Variants in TCHHL1 observed in about 807,000 individuals in gnomAD.
TCHHL1 encodes the protein trichohyalin like 1.
TCHHL1 carries 1 observed loss-of-function variant against 3.5 expected under a neutral mutation model. That is an observed-to-expected ratio of 0.29 (90% CI 0.10 to 1.36). The LOEUF (loss-of-function observed/expected upper bound fraction) is 1.36, where lower values mean the gene tolerates loss of function less well. TCHHL1 is among the 40% of genes most tolerant of loss of function. TCHHL1 has a pLI of 0.43. For synonymous variants in TCHHL1, 405 were observed against 375.3 expected (o/e 1.08, Z -0.92); for missense variants, 1,027 against 1,032.8 (o/e 0.99, Z 0.08).
At position 152,087,610 on chromosome 1, in the gene TCHHL1, G is replaced by T. The variant is rs1657758521; in HGVS notation, c.139-67C>A. On this transcript the variant is annotated intron_variant, in intron 2 of 2. Transcript: ENST00000368806. ...GTCCAGTGTCCTAAGTGTCTCCCAA[G>T]AATCCTATTTTTCTGACCTCATTCC... The T allele has an allele frequency of 3.4e-6, 5 of 1,461,580 alleles. No homozygotes were observed. The Admixed American group carries it at 6.8e-5, about 20-fold the overall frequency. 90.5% of individuals were successfully genotyped at this position (1,461,580 alleles called of 1,614,324 possible).
chr1:152,087,609 A>G, intron 2 of TCHHL1, 66 bp from the exon 3 acceptor site: 4 of 1,465,656 alleles, frequency 2.7e-6, no homozygotes, highest in Non-Finnish European at 3.6e-6. Flanking sequence ...GTGTCTCCCA[A>G]GAATCCTATT....
rs543650379 is a variant in TCHHL1, at chr1:152,084,197, T to G, written c.*770A>C. 1 of 169,110 alleles carries G rather than the reference T, an allele frequency of 5.9e-6. No homozygotes were observed. The highest frequency in any genetic ancestry group is 1.9e-4 in the East Asian group (1 of 5,198). 10.5% of individuals were successfully genotyped at this position (169,110 alleles called of 1,614,324 possible). On this transcript the variant is annotated 3_prime_UTR_variant, in exon 3 of 3. Coordinates refer to ENST00000368806, the MANE Select transcript of TCHHL1 (RefSeq NM_001008536.2). ...AATTTAATACCCTCATCAAACCATA[T>G]AGGTAAACACTTAGTAGACTCACTG...
Position 152,085,257 on chromosome 1 carries a change from T to TACAGTAC in TCHHL1, c.2424_2425insGTACTGT (p.Ile809ValfsTer36), listed in dbSNP as rs1287928812. ...TGGGTTACATTTGTTTGCTGCAGTA[T>TACAGTAC]CTTCTCCTGTAGGTACTGGTATAGT... On this transcript the variant is annotated frameshift_variant, in exon 3 of 3. Coordinates refer to ENST00000368806, the MANE Select transcript of TCHHL1 (RefSeq NM_001008536.2). LOFTEE classifies it low-confidence loss of function (END_TRUNC). 2 of 1,614,216 alleles carry TACAGTAC rather than the reference T, an allele frequency of 1.2e-6. No individual in the cohort carries two copies. The highest frequency in any genetic ancestry group is 3.3e-5 in the Admixed American group (2 of 60,032).
chr1:152,086,874 G>A lies in TCHHL1; in HGVS notation c.808C>T (p.Gln270Ter). The A allele has an allele frequency of 6.2e-7, 1 of 1,614,138 alleles. No homozygotes were observed. The highest frequency in any genetic ancestry group is 8.5e-7 in the Non-Finnish European group (1 of 1,180,026). Reference protein sequence around the residue: ...TQSSPPKEATQRPCEDQEVRT... With the variant: ...TQSSPPKEAT ...ACTTCCTGATCTTCACATGGTCTTT[G>A]TGTTGCTTCTTTTGGTGGTGAACTT... Residue 270 changes from glutamine to a stop codon, truncating the protein, a stop_gained, in exon 3 of 3, where the codon CAA becomes TAA. Transcript: ENST00000368806. LOFTEE classifies it low-confidence loss of function (END_TRUNC).
rs746083821 is a variant in TCHHL1 at position 152,087,369 on chromosome 1, C to G, written c.313G>C (p.Glu105Gln). 1 of 1,613,688 alleles carries G rather than the reference C, an allele frequency of 6.2e-7. No homozygotes were observed. The highest frequency in any genetic ancestry group is 8.5e-7 in the Non-Finnish European group (1 of 1,180,010). Residue 105 changes from glutamate (E) to glutamine (Q), a missense_variant, in exon 3 of 3, where the codon GAG becomes CAG. Transcript: ENST00000368806. Reference protein sequence around the residue: ...ELRQVTKPEKEKLDDVDVQAT... With the variant: ...ELRQVTKPEKQKLDDVDVQAT... ...TGAACATCCACATCATCTAGCTTCT[C>G]CTTCTCTGGTTTAGTCACCTGTCTT...
chr1:152,088,881 G>T (rs1416212915), intron 1 of TCHHL1, 139 bp downstream of exon 1: 2 of 152,096 alleles, frequency 1.3e-5, no homozygotes, highest in African/African-American at 2.4e-5. Flanking sequence ...GCATTTGGGT[G>T]GTTGGCGCTC....
Position 152,085,528 on chromosome 1 carries a change from A to G in TCHHL1, c.2154T>C (p.Asn718=), listed in dbSNP as rs535080061. 1 of 1,614,090 alleles carries G rather than the reference A, an allele frequency of 6.2e-7. No individual in the cohort carries two copies. The highest frequency in any genetic ancestry group is 2.2e-5 in the East Asian group (1 of 44,878). ...EEKGRATEAQ[N]TLLESLDEDN... ...CCTCATCTAGACTTTCTAACAGAGT[A>G]TTCTGGGCCTCTGTTGCTCTTCCTT... The change falls in exon 3 of 3, where the codon AAT becomes AAC. Residue 718 remains asparagine (N), a synonymous_variant. Coordinates refer to ENST00000368806, the MANE Select transcript of TCHHL1 (RefSeq NM_001008536.2).
At position 152,085,740 on chromosome 1, in the gene TCHHL1, C is replaced by T. The variant is rs1657708922; in HGVS notation, c.1942G>A (p.Glu648Lys). Residue 648 changes from glutamate to lysine, a missense_variant, in exon 3 of 3, where the codon GAG becomes AAG. Physicochemically the swap from Glu to Lys is moderately conservative, Grantham distance 56. Transcript: ENST00000368806. Reference sequence around the variant, plus strand: ...TGTGCTTCTGGGTGTCCATTGGGCTCCACAGCTGCACCTGGGCCTTTGGTC... The same window carrying T: ...TGTGCTTCTGGGTGTCCATTGGGCTTCACAGCTGCACCTGGGCCTTTGGTC... The part of the protein sequence containing the change: ...PGTKGPGAAV[E>K]PNGHPEAQES... The T allele has an allele frequency of 6.2e-7, 1 of 1,614,156 alleles. No homozygotes were observed. Among genetic ancestry groups the T allele is most frequent in the East Asian group, 2.2e-5 (1 of 44,876 alleles).
At position 152,086,372 on chromosome 1, in the gene TCHHL1, TC is replaced by T. The variant is rs767640931; in HGVS notation, c.1309del (p.Asp437MetfsTer11). On this transcript the variant is annotated frameshift_variant, in exon 3 of 3. Coordinates refer to ENST00000368806, the MANE Select transcript of TCHHL1 (RefSeq NM_001008536.2). LOFTEE classifies it low-confidence loss of function (END_TRUNC). ...TTGTGTCTCAGAACCTTTTTCAGCATCTTTTGATTTTGATAATCCTTGGAGT... is the reference window on the plus strand; with the variant it reads ...TTGTGTCTCAGAACCTTTTTCAGCATTTTTGATTTTGATAATCCTTGGAGT... Reference protein sequence around the residue: ...QELQGLSKSKDAEKGSETQYL... With the variant: ...QELQGLSKSKXAEKGSETQYL... The T allele has an allele frequency of 6.2e-7, 1 of 1,614,216 alleles. No homozygotes were observed. The highest frequency in any genetic ancestry group is 2.2e-5 in the East Asian group (1 of 44,884).
Position 152,085,815 on chromosome 1 carries a change from CTG to C in TCHHL1, c.1865_1866del (p.Thr622ArgfsTer41). On this transcript the variant is annotated frameshift_variant, in exon 3 of 3. Coordinates refer to ENST00000368806, the MANE Select transcript of TCHHL1 (RefSeq NM_001008536.2). LOFTEE classifies it low-confidence loss of function (END_TRUNC). ...CCTCTGGCAGGCTGTTCCTGGTCCT[CTG>C]TGAGCTGTACATCCTCTCCTCTGAC... ...PAVRGEDVQL[T>X]EDQEQPARGE... 6.2e-7 allele frequency: 1 copy of C among 1,614,202 alleles called. No homozygotes were observed. Among genetic ancestry groups the C allele is most frequent in the Non-Finnish European group, 8.5e-7 (1 of 1,180,032 alleles).
rs1657674900 is a variant in TCHHL1, at chr1:152,084,205, CACTT to C, written c.*758_*761del. On this transcript the variant is annotated 3_prime_UTR_variant, in exon 3 of 3. Transcript: ENST00000368806. ...ACCCTCATCAAACCATATAGGTAAA[CACTT>C]AGTAGACTCACTGGATGGTTGGTTA... 5.9e-6 allele frequency: 1 copy of C among 168,930 alleles called. No individual in the cohort carries two copies. The highest frequency in any genetic ancestry group is 2.4e-5 in the African/African-American group (1 of 41,482). The allele number at this position is 168,930 out of a possible 1,614,324, so 10.5% of individuals were successfully genotyped here.
chr1:152,085,292 T>G lies in TCHHL1; in HGVS notation c.2390A>C (p.Tyr797Ser). Residue 797 changes from tyrosine to serine, a missense_variant, in exon 3 of 3, where the codon TAT (tyrosine) becomes TCT (serine). By Grantham distance (144) the Tyr-to-Ser change is moderately radical. Around this residue, in one of 3 missense-constraint regions of TCHHL1, gnomAD observed 673 missense variants for 658.6 expected, o/e 1.02. Coordinates refer to ENST00000368806, the MANE Select transcript of TCHHL1 (RefSeq NM_001008536.2). Reference protein sequence around the residue: ...EPCSVERGAVYSSPLYQYLQE... With the variant: ...EPCSVERGAVSSSPLYQYLQE... Reference sequence around the variant, plus strand: ...TAGGTACTGGTATAGTGGACTGGAATAGACTGCACCCCTCTCCACAGAACA... The same window carrying G: ...TAGGTACTGGTATAGTGGACTGGAAGAGACTGCACCCCTCTCCACAGAACA... 6.2e-7 allele frequency: 1 copy of G among 1,614,206 alleles called. No individual in the cohort carries two copies. The highest frequency in any genetic ancestry group is 8.5e-7 in the Non-Finnish European group (1 of 1,180,036).
Position 152,087,184 on chromosome 1 carries a change from G to A in TCHHL1, c.498C>T (p.His166=), listed in dbSNP as rs1205812223. Residue 166 remains histidine, a synonymous_variant, in exon 3 of 3, where the codon CAC becomes CAT. Transcript: ENST00000368806. ...RVDPWREAKT[H]NFPGEASEHN... ...GTTCAGATGCTTCTCCTGGAAAGTT[G>A]TGAGTCTTGGCTTCTCTCCATGGGT... 6.2e-7 allele frequency: 1 copy of A among 1,614,186 alleles called. No homozygotes were observed.
rs539598070 is a variant in TCHHL1, at chr1:152,086,169, G to A, written c.1513C>T (p.Leu505Phe). The A allele has an allele frequency of 4.3e-6, 7 of 1,614,180 alleles. No homozygotes were observed. The highest frequency in any genetic ancestry group is 1.1e-5 in the South Asian group (1 of 91,084). Residue 505 changes from leucine to phenylalanine, a missense_variant, in exon 3 of 3, where the codon CTT becomes TTT. Physicochemically the swap from Leu to Phe is conservative, Grantham distance 22 (BLOSUM62 0). Transcript: ENST00000368806. ...TTTTCTCCTACAGACTGCTTCTCAAGTGGTGCTAAATCTTGTGTTCTTTCT... is the reference window on the plus strand; with the variant it reads ...TTTTCTCCTACAGACTGCTTCTCAAATGGTGCTAAATCTTGTGTTCTTTCT... ...ARERTQDLAP[L>F]EKQSVGENTR... is the part of the protein sequence containing the mutation.
rs1657754230 is a variant in TCHHL1 at position 152,087,387 on chromosome 1, CCTGT to C, written c.291_294del (p.Gln98Ter). 1.9e-6 allele frequency: 3 copies of C among 1,613,302 alleles called. No homozygotes were observed. The highest frequency in any genetic ancestry group is 2.5e-6 in the Non-Finnish European group (3 of 1,180,020). On this transcript the variant is annotated frameshift_variant, in exon 3 of 3. Coordinates refer to ENST00000368806, the MANE Select transcript of TCHHL1 (RefSeq NM_001008536.2). LOFTEE classifies it low-confidence loss of function (END_TRUNC). ...AGCTTCTCCTTCTCTGGTTTAGTCA[CCTGT>C]CTTAGTTCAGAACTTAGTAATGATT...
At chr1:152,088,223 C>A (rs1210255405) in intron 1 of TCHHL1, 60 bp from the exon 2 acceptor site, 108 of 1,436,858 alleles carry the variant, frequency 7.5e-5, no homozygotes, top group Non-Finnish European at 9.8e-5. Flanking sequence ...GAGGAGATAC[C>A]AAGATTATCC....
At position 152,085,009 on chromosome 1, in the gene TCHHL1, C is replaced by G. The variant is rs1175422359; in HGVS notation, c.2673G>C (p.Glu891Asp). ...TTGCCTCCCTTTGTAGTACCAGCCT[C>G]TCTCTCTGAGGGTGACCTTGCTTAT... ...LEDKQGHPQR[E>D]RLVLQREAST... The change falls in exon 3 of 3, where the codon GAG becomes GAC. Residue 891 changes from glutamate to aspartate, a missense_variant. Coordinates refer to ENST00000368806, the MANE Select transcript of TCHHL1 (RefSeq NM_001008536.2). 2.5e-6 allele frequency: 4 copies of G among 1,613,888 alleles called. No individual in the cohort carries two copies. Among genetic ancestry groups the G allele is most frequent in the Non-Finnish European group, 3.4e-6 (4 of 1,179,980 alleles).
Position 152,087,207 on chromosome 1 carries a change from G to T in TCHHL1, c.475C>A (p.Pro159Thr), listed in dbSNP as rs923990671. ...SGAVGNNRVDPWREAKTHNFP... is the reference protein window; with the variant it reads ...SGAVGNNRVDTWREAKTHNFP... The stretch of plus-strand genomic sequence containing the variant: ...TTGTGAGTCTTGGCTTCTCTCCATG[G>T]GTCCACTCTGTTATTTCCAACTGCT... Residue 159 changes from proline (P) to threonine (T), a missense_variant, in exon 3 of 3, where the codon CCA becomes ACA. Coordinates refer to ENST00000368806, the MANE Select transcript of TCHHL1 (RefSeq NM_001008536.2). 1 of 1,613,962 alleles carries T rather than the reference G, an allele frequency of 6.2e-7. No homozygotes were observed. The highest frequency in any genetic ancestry group is 1.3e-5 in the African/African-American group (1 of 75,004).
At chr1:152,087,918 T>C (rs979882196) in intron 2 of TCHHL1, 88 bp downstream of exon 2, 44 of 1,464,140 alleles carry the variant, frequency 3.0e-5, no homozygotes, top group Middle Eastern at 1.9e-4. Flanking sequence ...AGGTGTAAAA[T>C]GGATGGGGAT....
Sources: gnomAD v4.1 joint callset for allele counts on GRCh38, gnomAD v4.1.1 for gene constraint, gnomAD v4.1.1 regional missense constraint, MANE v1.5 for transcripts, NCBI Gene and HGNC (gene_info 2026-07-23, HGNC 2026-07-21) for gene names.